NAF1: variants seen among roughly 807,000 people sequenced by gnomAD.
The protein encoded by NAF1 is nuclear assembly factor 1 ribonucleoprotein, also known as H/ACA ribonucleoprotein complex non-core subunit NAF1.
NAF1 carries 11 observed loss-of-function variants against 40.6 expected under a neutral mutation model. The ratio of observed to expected loss-of-function variants is 0.27; its 90% confidence interval spans 0.17 to 0.45. NAF1 has a LOEUF of 0.45. Ranked by LOEUF, NAF1 falls within the 20% of genes least tolerant of loss-of-function variation. The pLI is 1.00. For synonymous variants in NAF1, 260 were observed against 228.5 expected (o/e 1.14, Z -1.24); for missense variants, 607 against 611.1 (o/e 0.99, Z 0.07).
At position 163,140,383 on chromosome 4, in the gene NAF1, T is replaced by C; in HGVS notation, c.718A>G (p.Ile240Val). 1 of 1,598,068 alleles carries C rather than the reference T, an allele frequency of 6.3e-7. No individual in the cohort carries two copies. Among genetic ancestry groups the C allele is most frequent in the Non-Finnish European group, 8.5e-7 (1 of 1,174,870 alleles). Residue 240 changes from isoleucine to valine, a missense_variant and splice_region_variant, in exon 5 of 8, where the codon ATA becomes GTA. Coordinates refer to ENST00000274054, the MANE Select transcript of NAF1 (RefSeq NM_138386.3). Reference protein sequence around the residue: ...FKSDRQAAGKIFEIFGPVAHP... With the variant: ...FKSDRQAAGKVFEIFGPVAHP... Reference sequence around the variant, plus strand: ...GCAACAGGTCCAAATATCTCGAATATCTGTAATAGAAACATAAAGGCCTCT... The same window carrying C: ...GCAACAGGTCCAAATATCTCGAATACCTGTAATAGAAACATAAAGGCCTCT...
chr4:163,124,286 C>T (rs1349372694), downstream of NAF1, among the ~76,000 whole-genome samples: 1 of 152,188 alleles, frequency 6.6e-6, no homozygotes, highest in Non-Finnish European at 1.5e-5. Flanking sequence ...TCTCTGCTTA[C>T]AAGATGGCAC....
intron 1 of NAF1, 55 bp downstream of exon 1, chr4:163,166,308 C>G: frequency 1.3e-6 from 2 of 1,515,092 alleles, no homozygotes; most frequent in Non-Finnish European, 1.8e-6. Flanking sequence ...CCCAGCCACC[C>G]CCGCCCGTCA....
chr4:163,130,309 C>T (rs1391766406), intron 7 of NAF1, among the ~76,000 whole-genome samples: 1 of 151,978 alleles, frequency 6.6e-6, no homozygotes, highest in African/African-American at 2.4e-5. Flanking sequence ...GGTATTAAAG[C>T]AGTCATAAAA....
chr4:163,126,911 T>G, downstream of NAF1: 2 of 1,483,748 alleles, frequency 1.3e-6, no homozygotes, highest in African/African-American at 1.4e-5. Context: ...CAAAGGGTCA[T>G]TATTATTTTT....
rs574570996 is a variant in NAF1, at chr4:163,111,516, A to G, written c.115-1226T>C. Among the ~76,000 whole-genome samples, 3 of 152,280 alleles carry G rather than the reference A, an allele frequency of 2.0e-5. No individual in the cohort carries two copies. The East Asian group carries it at 5.8e-4, about 29-fold the overall frequency. ...AGGGAGCAGAAATGTCCAGTGGCGCAAGTTTGGGGTGAATTTAGAATTCAT... is the reference window on the plus strand; with the variant it reads ...AGGGAGCAGAAATGTCCAGTGGCGCGAGTTTGGGGTGAATTTAGAATTCAT... On this transcript the variant is annotated intron_variant, in intron 2 of 2. Coordinates refer to the NAF1 transcript ENST00000509434.
chr4:163,109,540 A>G (rs1730105556), downstream of NAF1, among the ~76,000 whole-genome samples: 1 of 152,188 alleles, frequency 6.6e-6, no homozygotes, highest in Admixed American at 6.5e-5. Flanking sequence ...GAAGAAAAAA[A>G]ATCCTCTTGT....
chr4:163,113,082 G>T (rs938273588), intron 2 of NAF1, among the ~76,000 whole-genome samples: 2 of 152,184 alleles, frequency 1.3e-5, no homozygotes, highest in Non-Finnish European at 2.9e-5. Flanking sequence ...AGATTATTTA[G>T]AGACTTGTCA....
chr4:163,146,176 T>A (rs1731461177), intron 3 of NAF1, among the ~76,000 whole-genome samples: 1 of 152,200 alleles, frequency 6.6e-6, no homozygotes, highest in African/African-American at 2.4e-5. Flanking sequence ...TCTCAAGTAA[T>A]TTTTACCAAA....
chr4:163,159,059 T>A, intron 2 of NAF1, among the ~76,000 whole-genome samples: 1 of 152,108 alleles, frequency 6.6e-6, no homozygotes, highest in Non-Finnish European at 1.5e-5. Flanking sequence ...ATTCACTTAT[T>A]AGAAACTACT....
downstream of NAF1, among the ~76,000 whole-genome samples, chr4:163,107,476 T>C (rs1730068074): frequency 6.6e-6 from 1 of 152,190 alleles, no homozygotes; most frequent in South Asian, 2.1e-4. Context: ...GGACAGAGCT[T>C]TCCCTCTTTC....
rs1244296752 is a variant in NAF1 at position 163,138,463 on chromosome 4, A to G, written c.879-1213T>C. The stretch of plus-strand genomic sequence containing the variant: ...ACAAAAAATCAAAATCTACTAAAGG[A>G]AAGATCAAGCAACATTTCAAAAGGC... On this transcript the variant is annotated intron_variant, in intron 5 of 7. Coordinates refer to ENST00000274054, the MANE Select transcript of NAF1 (RefSeq NM_138386.3). Among the ~76,000 whole-genome samples, 4 of 152,114 alleles carry G rather than the reference A, an allele frequency of 2.6e-5. No homozygotes were observed. In the East Asian group the frequency reaches 7.7e-4, roughly 29 times the overall value.
chr4:163,130,454 TG>T (rs1730827812), intron 7 of NAF1, among the ~76,000 whole-genome samples: 1 of 152,030 alleles, frequency 6.6e-6, no homozygotes, highest in Admixed American at 6.6e-5. Context: ...AAAAACTCAA[TG>T]GAACAATATT....
downstream of NAF1, chr4:163,126,788 A>T: frequency 1.7e-6 from 1 of 583,606 alleles, no homozygotes; most frequent in Non-Finnish European, 2.7e-6. Flanking sequence ...CTTCACTGCT[A>T]TCTATTAGGA....
intron 2 of NAF1, among the ~76,000 whole-genome samples, chr4:163,112,966 A>AT (rs1397097492): frequency 1.3e-5 from 2 of 152,194 alleles, no homozygotes; most frequent in South Asian, 4.1e-4. Flanking sequence ...ACCAGACAGC[A>AT]TGAGTGTTGG....
intron 2 of NAF1, chr4:163,110,380 T>C (rs1730124189): frequency 1.5e-6 from 1 of 657,152 alleles, no homozygotes; most frequent in Non-Finnish European, 2.7e-6. Context: ...ATAATTGTCC[T>C]ATTGTATTAT....
In NAF1 at chr4:163,148,388, A is replaced by G. The variant is rs752135276; in HGVS notation, c.587T>C (p.Ile196Thr). The G allele has an allele frequency of 6.9e-6, 11 of 1,582,882 alleles. No homozygotes were observed. Among genetic ancestry groups the G allele is most frequent in the Middle Eastern group, 1.7e-4 (1 of 5,994 alleles). Residue 196 changes from isoleucine (I) to threonine (T), a missense_variant, in exon 3 of 8, where the codon ATT (isoleucine) becomes ACT (threonine). By Grantham distance (89) the Ile-to-Thr change is moderately conservative. Transcript: ENST00000274054. ...AACCATCCCAAGAGGCTTTAACTCA[A>G]TATCTTCAGGCAGAATAATAGTGAG... ...EELTIILPED[I>T]ELKPLGMVSS...
intron 6 of NAF1, chr4:163,136,389 T>G (rs1560789504): frequency 2.7e-5 from 4 of 150,794 alleles, no homozygotes; most frequent in Admixed American, 2.6e-4. Flanking sequence ...TAAGAACTGC[T>G]GAGCAAGCTT....
chr4:163,140,879 C>G (rs1731234464), intron 4 of NAF1, among the ~76,000 whole-genome samples: 1 of 152,064 alleles, frequency 6.6e-6, no homozygotes, highest in South Asian at 2.1e-4. Flanking sequence ...CAGACTTTTT[C>G]TAATTTAACA....
chr4:163,110,037 A>G, downstream of NAF1: 1 of 426,806 alleles, frequency 2.3e-6, no homozygotes, highest in Non-Finnish European at 4.1e-6. Context: ...ATCCTGCCCT[A>G]TTAAGTATGC....
Sources: gnomAD v4.1 joint callset for allele counts (sites outside exome capture counted in the v4.1 genomes callset) on GRCh38, gnomAD v4.1.1 for gene constraint, MANE v1.5 for transcripts, NCBI Gene and HGNC (gene_info 2026-07-23, HGNC 2026-07-21) for gene names.